The following METTL13 variants were observed in gnomAD, a reference collection of about 807,000 sequenced individuals.
METTL13 encodes methyltransferase 13, eEF1A N-terminus and K55.
METTL13 carries 52 observed loss-of-function variants against 67.4 expected under a neutral mutation model. The ratio of observed to expected loss-of-function variants is 0.77; its 90% CI spans 0.62 to 0.97. The LOEUF is 0.97. Among genes scored for constraint, METTL13 ranks in the 50% least tolerant of loss-of-function variants. The pLI, the probability that METTL13 is intolerant of heterozygous loss-of-function variation, is 0.00. For synonymous variants in METTL13, 354 were observed against 353.6 expected (o/e 1.00, Z -0.01); for missense variants, 825 against 889.6 (o/e 0.93, Z 0.92).
Position 171,790,474 on chromosome 1 carries a change from C to T in METTL13, c.1332C>T (p.Asp444=). The T allele has an allele frequency of 6.2e-7, 1 of 1,603,510 alleles. No individual in the cohort carries two copies. Among genetic ancestry groups the T allele is most frequent in the African/African-American group, 1.3e-5 (1 of 74,518 alleles). The change falls in exon 5 of 8, where the codon GAC becomes GAT. Residue 444 remains aspartate (D), a synonymous_variant. Coordinates refer to ENST00000361735, the MANE Select transcript of METTL13 (RefSeq NM_015935.5). ...TAGCCCAGAAGAAGCGGAAAAAGGA[C>T]AGGAAGAAGCAGCGGCCTGCTGATG... The part of the protein sequence containing the change: ...SHKAQKKRKK[D]RKKQRPADAE...
intron 2 of METTL13, among the ~76,000 whole-genome samples, chr1:171,785,637 G>A (rs1656982567): frequency 6.6e-6 from 1 of 152,154 alleles, no homozygotes; most frequent in African/African-American, 2.4e-5. Flanking sequence ...TCTTGTGGTA[G>A]GTGTCTGCCT....
At chr1:171,782,235 T>G in intron 1 of METTL13, 115 bp downstream of exon 1, 2 of 865,762 alleles carry the variant, frequency 2.3e-6, no homozygotes, top group East Asian at 4.9e-5. Flanking sequence ...TGGACGCATA[T>G]TTCAGCATTT....
chr1:171,781,679 C>G lies in METTL13; in HGVS notation c.-289C>G, dbSNP rs112807062. ...CTTCGCACCCGGATATGGTTATGGG[C>G]TCGGAAATCTAGTTCGGGAAAAGTG... is the stretch of plus-strand genomic sequence containing the variant. On this transcript the variant is annotated 5_prime_UTR_variant, in exon 1 of 8. Transcript: ENST00000361735. 3 of 924,650 alleles carry G rather than the reference C, an allele frequency of 3.2e-6. No homozygotes were observed. The highest frequency in any genetic ancestry group is 3.4e-5 in the African/African-American group (2 of 58,138). The allele number at this position is 924,650 out of a possible 1,614,324, so 57.3% of individuals were successfully genotyped here.
chr1:171,794,466 G>C lies in METTL13; in HGVS notation c.1764G>C (p.Pro588=), dbSNP rs111707385. The change falls in exon 7 of 8, where the codon CCG becomes CCC. Residue 588 remains proline, a synonymous_variant. Transcript: ENST00000361735. ...ACCCAACACTGGGAATGAGTTGTCCGCCCCCAGCATTTGTGGAGCAATCTT... is the reference window on the plus strand; with the variant it reads ...ACCCAACACTGGGAATGAGTTGTCCCCCCCCAGCATTTGTGGAGCAATCTT... ...SKDPTLGMSC[P]PPAFVEQSFL... 2 of 1,614,194 alleles carry C rather than the reference G, an allele frequency of 1.2e-6. No individual in the cohort carries two copies. Among genetic ancestry groups the C allele is most frequent in the Non-Finnish European group, 1.7e-6 (2 of 1,180,026 alleles).
chr1:171,786,059 G>T lies in METTL13; in HGVS notation c.1094G>T (p.Gly365Val), dbSNP rs149501332. ...AGAGTCATGGAGCTGGCCCCAGCTGGGATGCCCACCCAGCAGCAGGTAACA... is the reference window on the plus strand; with the variant it reads ...AGAGTCATGGAGCTGGCCCCAGCTGTGATGCCCACCCAGCAGCAGGTAACA... ...SARVMELAPA[G>V]MPTQQQVPFL... The change falls in exon 3 of 8, where the codon GGG (glycine) becomes GTG (valine). Residue 365 changes from glycine to valine, a missense_variant. Transcript: ENST00000361735. 6.2e-7 allele frequency: 1 copy of T among 1,613,218 alleles called. No homozygotes were observed. The highest frequency in any genetic ancestry group is 8.5e-7 in the Non-Finnish European group (1 of 1,179,566).
intron 4 of METTL13, among the ~76,000 whole-genome samples, chr1:171,788,699 G>A (rs541358950): frequency 1.6e-4 from 24 of 152,324 alleles, no homozygotes; most frequent in Admixed American, 5.9e-4. Context: ...CACTTCAAAA[G>A]TCAAATATAG....
intron 2 of METTL13, among the ~76,000 whole-genome samples, chr1:171,785,272 A>G (rs1656972785): frequency 6.6e-6 from 1 of 152,228 alleles, no homozygotes; most frequent in South Asian, 2.1e-4. Context: ...AGACAAATGC[A>G]AAGTGTTTAT....
chr1:171,782,566 TA>T (rs368088789), intron 1 of METTL13, among the ~76,000 whole-genome samples: 11 of 147,522 alleles, frequency 7.5e-5, no homozygotes, highest in African/African-American at 7.5e-5. Flanking sequence ...AGACCCTGTC[TA>T]AAAAAAAAAA....
chr1:171,790,436 C>G lies in METTL13; in HGVS notation c.1310-16C>G, dbSNP rs747583577. The G allele has an allele frequency of 3.8e-6, 6 of 1,572,686 alleles. No homozygotes were observed. Among genetic ancestry groups the G allele is most frequent in the Middle Eastern group, 1.7e-4 (1 of 5,842 alleles). ...GACTAGTGTACTAAGCATAGGGCTTCATATCTCTTGTTTAGCCCAGAAGAA... is the reference window on the plus strand; with the variant it reads ...GACTAGTGTACTAAGCATAGGGCTTGATATCTCTTGTTTAGCCCAGAAGAA... On this transcript the variant is annotated splice_polypyrimidine_tract_variant and intron_variant, in intron 4 of 7. Transcript: ENST00000361735.
intron 6 of METTL13, 122 bp downstream of exon 6, chr1:171,792,357 C>G: frequency 9.1e-7 from 1 of 1,095,864 alleles, no homozygotes. Context: ...CAGTCTTCAG[C>G]CTGTTCATTT....
rs1436699357 is a variant in METTL13 at position 171,784,365 on chromosome 1, G to A, written c.779G>A (p.Arg260His). 4.4e-6 allele frequency: 7 copies of A among 1,575,190 alleles called. No homozygotes were observed. The highest frequency in any genetic ancestry group is 1.8e-5 in the Admixed American group (1 of 56,400). ...QQYAWLCSQL[R>H]RKARLGSVSL... ...TATGCCTGGCTGTGCAGCCAGCTGC[G>A]CCGCAAGGCCAGGCTGGGGAGTGTG... is the stretch of plus-strand genomic sequence containing the variant. The change falls in exon 2 of 8, where the codon CGC (arginine) becomes CAC (histidine). Residue 260 changes from arginine to histidine, a missense_variant. Transcript: ENST00000361735.
chr1:171,782,611 C>A (rs1193895521), intron 1 of METTL13, among the ~76,000 whole-genome samples: 1 of 152,036 alleles, frequency 6.6e-6, no homozygotes, highest in Non-Finnish European at 1.5e-5. Context: ...AATAGACCTC[C>A]CACCCCAGCT....
rs773869569 is a variant in METTL13 at position 171,784,302 on chromosome 1, C to T, written c.716C>T (p.Ala239Val). 6.2e-7 allele frequency: 1 copy of T among 1,608,978 alleles called. No individual in the cohort carries two copies. The highest frequency in any genetic ancestry group is 1.7e-5 in the Admixed American group (1 of 59,774). Residue 239 changes from alanine to valine, a missense_variant, in exon 2 of 8, where the codon GCC becomes GTC. Physicochemically the swap from Ala to Val is moderately conservative, Grantham distance 64 (BLOSUM62 0). Coordinates refer to ENST00000361735, the MANE Select transcript of METTL13 (RefSeq NM_015935.5). ...EQRKPVRLES[A>V]ERLAEAVQER... ...CGCAAGCCTGTGCGGCTGGAGAGTG[C>T]CGAGCGGCTGGCCGAGGCGGTGCAG...
chr1:171,785,896 A>C lies in METTL13; in HGVS notation c.931A>C (p.Thr311Pro), dbSNP rs766966787. ...TTTTCTAGTCCCTCAGGGCCGGGAG[A>C]CCGAGTGGCTCTTTGGCATGGATGA... The part of the protein sequence containing the change: ...AIFIIPQGRE[T>P]EWLFGMDEGR... The change falls in exon 3 of 8, where the codon ACC (threonine) becomes CCC (proline). Residue 311 changes from threonine to proline, a missense_variant. By Grantham distance (38) the Thr-to-Pro change is conservative. Coordinates refer to ENST00000361735, the MANE Select transcript of METTL13 (RefSeq NM_015935.5). 1 of 1,612,892 alleles carries C rather than the reference A, an allele frequency of 6.2e-7. No homozygotes were observed. The highest frequency in any genetic ancestry group is 1.1e-5 in the South Asian group (1 of 90,972).
chr1:171,782,450 T>A lies in METTL13; in HGVS notation c.153+330T>A, dbSNP rs140787946. On this transcript the variant is annotated intron_variant, in intron 1 of 7. Transcript: ENST00000361735. ...GGGCGTGGTGGCGCGCATCTGTATT[T>A]CCAGCTACTCGGGAGGCTTAGGCGG... Among the ~76,000 whole-genome samples, 611 of 151,774 alleles carry A rather than the reference T, an allele frequency of 4.0e-3. 4 individuals carry two copies. The highest frequency in any genetic ancestry group is 0.017 in the Middle Eastern group (5 of 294).
At chr1:171,794,611 G>A in intron 7 of METTL13, 84 bp downstream of exon 7, 5 of 1,575,138 alleles carry the variant, frequency 3.2e-6, no homozygotes, top group Non-Finnish European at 4.3e-6. Flanking sequence ...GCACAGAAGT[G>A]CGAGCTCGAT....
At position 171,790,694 on chromosome 1, in the gene METTL13, T is replaced by A. The variant is rs1657177482; in HGVS notation, c.1474+78T>A. 3 of 1,338,192 alleles carry A rather than the reference T, an allele frequency of 2.2e-6. No homozygotes were observed. The Admixed American group carries it at 8.7e-5, about 39-fold the overall frequency. The allele number at this position is 1,338,192 out of a possible 1,614,324, so 82.9% of individuals were successfully genotyped here. On this transcript the variant is annotated intron_variant, in intron 5 of 7. Transcript: ENST00000361735. The stretch of plus-strand genomic sequence containing the variant: ...TAAACAATTGGTGTCACTTGCATTG[T>A]AGTTGAAGAACAGCAATTACAAGCT...
At chr1:171,793,106 T>C (rs759072925) in intron 6 of METTL13, among the ~76,000 whole-genome samples, 5 of 152,230 alleles carry the variant, frequency 3.3e-5, no homozygotes, top group Non-Finnish European at 7.3e-5. Context: ...TGTTCAGGAC[T>C]GCTGGTCTGC....
chr1:171,793,258 G>A (rs966725044), intron 6 of METTL13, among the ~76,000 whole-genome samples: 4 of 152,224 alleles, frequency 2.6e-5, no homozygotes, highest in Non-Finnish European at 5.9e-5. Context: ...TAACAGTTTC[G>A]TAGGTTCCCT....
Sources: gnomAD v4.1 joint callset for allele counts (sites outside exome capture counted in the v4.1 genomes callset) on GRCh38, gnomAD v4.1.1 for gene constraint, MANE v1.5 for transcripts, NCBI Gene and HGNC (gene_info 2026-07-23, HGNC 2026-07-21) for gene names.